TERT: variants seen among roughly 807,000 people sequenced by gnomAD.
TERT encodes telomerase catalytic subunit.
Under a neutral mutation model 104.0 loss-of-function variants are expected in TERT, and 42 were observed. That is an observed-to-expected ratio of 0.40 (90% confidence interval 0.32 to 0.52). The LOEUF (loss-of-function observed/expected upper bound fraction) is 0.52, where lower values mean the gene tolerates loss of function less well. Ranked by LOEUF, TERT falls within the 20% of genes least tolerant of loss-of-function variation. TERT has a pLI of 0.43. For synonymous variants in TERT, 781 were observed against 725.6 expected, an observed-to-expected ratio of 1.08 and a Z score of -1.23; for missense variants, 1,101 against 1,610.3, an observed-to-expected ratio of 0.68 and a Z score of 5.41.
In TERT at chr5:1,269,541, G is replaced by T. The variant is rs948125664; in HGVS notation, c.2469-908C>A. ...CAGGAGAAATGCTGGAACCCGGGAG[G>T]CGGAGGTTGCAGTGAGTTGAGATCG... On this transcript the variant is annotated intron_variant, in intron 8 of 15. Coordinates refer to ENST00000310581, the MANE Select transcript of TERT (RefSeq NM_198253.3). This position sits in a 1 kb window ranked among gnomAD's most constrained non-coding sequence, Gnocchi z 9.0. 6.6e-6 allele frequency among the ~76,000 whole-genome samples: 1 copy of T among 151,950 alleles called. No homozygotes were observed. Among genetic ancestry groups the T allele is most frequent in the African/African-American group, 2.4e-5 (1 of 41,358 alleles).
chr5:1,263,718 A>G lies in TERT; in HGVS notation c.2843+686T>C, dbSNP rs188929561. On this transcript the variant is annotated intron_variant, in intron 11 of 15. Coordinates refer to ENST00000310581, the MANE Select transcript of TERT (RefSeq NM_198253.3). This position sits in a 1 kb window ranked among gnomAD's most constrained non-coding sequence, Gnocchi z 5.3. ...ACCTTGCCCTGCCTGGAATGTTGAT[A>G]CTTTTTATTCATAAAAGAAACAGCA... 6.6e-5 allele frequency among the ~76,000 whole-genome samples: 10 copies of G among 152,306 alleles called. No homozygotes were observed. The East Asian group carries it at 1.9e-3, about 29-fold the overall frequency.
Position 1,261,992 on chromosome 5 carries a change from G to A in TERT, c.2844-1392C>T, listed in dbSNP as rs1748264116. On this transcript the variant is annotated intron_variant, in intron 11 of 15. Transcript: ENST00000310581. The surrounding 1 kb of genome is among the most constrained non-coding windows in gnomAD (Gnocchi z 7.4). ...AAATCACGTGCACAAACGCTCCAGG[G>A]AATGGCCATTTTCACTGTGGCTCAG... Among the ~76,000 whole-genome samples the A allele has an allele frequency of 6.6e-6, 1 of 152,160 alleles. No individual in the cohort carries two copies. The highest frequency in any genetic ancestry group is 6.5e-5 in the Admixed American group (1 of 15,288).
At chr5:1,277,241 C>T (rs1749661530) in intron 6 of TERT, among the ~76,000 whole-genome samples, 1 of 152,214 alleles carries the variant, frequency 6.6e-6, no homozygotes, top group South Asian at 2.1e-4. Context: ...GAAACTCCCA[C>T]AACATCCCTA....
chr5:1,270,809 G>A lies in TERT; in HGVS notation c.2468+310C>T, dbSNP rs545851414. Among the ~76,000 whole-genome samples, 3 of 152,360 alleles carry A rather than the reference G, an allele frequency of 2.0e-5. No individual in the cohort carries two copies. In the South Asian group the frequency reaches 6.2e-4, roughly 32 times the overall value. ...GAGCTGACAAGCTGCAGGCTCAAAC[G>A]CTCGGCGCACACCTGACCCAGACAC... On this transcript the variant is annotated intron_variant, in intron 8 of 15. Transcript: ENST00000310581. This position sits in a 1 kb window ranked among gnomAD's most constrained non-coding sequence, Gnocchi z 8.3.
Position 1,255,326 on chromosome 5 carries a change from C to A in TERT, c.3118G>T (p.Ala1040Ser), listed in dbSNP as rs770144114. 1.2e-6 allele frequency: 2 copies of A among 1,614,130 alleles called. No individual in the cohort carries two copies. The highest frequency in any genetic ancestry group is 1.7e-6 in the Non-Finnish European group (2 of 1,179,994). ...TFFLRVISDT[A>S]SLCYSILKAK... Reference sequence around the variant, plus strand: ...TTCAGGATGGAGTAGCAGAGGGAGGCCGTGTCAGAGATGACGCGCAGGAAA... The same window carrying A: ...TTCAGGATGGAGTAGCAGAGGGAGGACGTGTCAGAGATGACGCGCAGGAAA... Residue 1040 changes from alanine to serine, a missense_variant, in exon 14 of 16, where the codon GCC becomes TCC. Ala to Ser is a moderately conservative substitution (Grantham distance 99, BLOSUM62 1). Coordinates refer to ENST00000310581, the MANE Select transcript of TERT (RefSeq NM_198253.3). The surrounding 1 kb of genome is among the most constrained non-coding windows in gnomAD (Gnocchi z 6.9).
In TERT at chr5:1,286,749, G is replaced by A. The variant is rs1008372404; in HGVS notation, c.1574-4125C>T. Among the ~76,000 whole-genome samples the A allele has an allele frequency of 1.3e-5, 2 of 151,956 alleles. No individual in the cohort carries two copies. Among genetic ancestry groups the A allele is most frequent in the African/African-American group, 4.8e-5 (2 of 41,336 alleles). On this transcript the variant is annotated intron_variant, in intron 2 of 15. Transcript: ENST00000310581. The surrounding 1 kb of genome is among the most constrained non-coding windows in gnomAD (Gnocchi z 5.3). The stretch of plus-strand genomic sequence containing the variant: ...AAAAATTAGCCAGGCGTGGTGGTGG[G>A]CGCCTGTAATCCCAGCTACTCATGA...
intron 9 of TERT, among the ~76,000 whole-genome samples, chr5:1,267,595 C>T (rs1192609186): frequency 2.0e-5 from 3 of 152,156 alleles, no homozygotes; most frequent in South Asian, 4.1e-4. Flanking sequence ...AAATGTCCAT[C>T]GATGATAGAC....
At chr5:1,281,793 A>G in intron 3 of TERT, among the ~76,000 whole-genome samples, 1 of 152,202 alleles carries the variant, frequency 6.6e-6, no homozygotes, top group Non-Finnish European at 1.5e-5. Context: ...AGCATGAATT[A>G]AAAGAGAATC....
Position 1,294,754 on chromosome 5 carries a change from AC to A in TERT, c.219+16del. The A allele has an allele frequency of 6.4e-7, 1 of 1,552,170 alleles. No individual in the cohort carries two copies. Among genetic ancestry groups the A allele is most frequent in the Non-Finnish European group, 8.6e-7 (1 of 1,158,364 alleles). On this transcript the variant is annotated intron_variant, in intron 1 of 15. Coordinates refer to ENST00000310581, the MANE Select transcript of TERT (RefSeq NM_198253.3). The stretch of plus-strand genomic sequence containing the variant: ...CGCCCTCAACCCCAGCCGGACGCCG[AC>A]CCCGGGGAGGCCCACCTGGCGGAAG...
At position 1,293,968 on chromosome 5, in the gene TERT, G is replaced by A. The variant is rs919921930; in HGVS notation, c.918C>T (p.Gly306=). Residue 306 remains glycine, a synonymous_variant, in exon 2 of 16, where the codon GGC becomes GGT. Coordinates refer to ENST00000310581, the MANE Select transcript of TERT (RefSeq NM_198253.3). ...GTGGTGGCCGCGATGTGGATGGGGGGCCCGCGTGGTGCTGGCGGCCCACGG... is the reference window on the plus strand; with the variant it reads ...GTGGTGGCCGCGATGTGGATGGGGGACCCGCGTGGTGCTGGCGGCCCACGG... ...HPSVGRQHHA[G]PPSTSRPPRP... is the part of the protein sequence containing the mutation. 1.9e-6 allele frequency: 3 copies of A among 1,556,966 alleles called. No individual in the cohort carries two copies. The highest frequency in any genetic ancestry group is 2.4e-5 in the East Asian group (1 of 41,254).
chr5:1,254,245 C>A, intron 15 of TERT, 123 bp downstream of exon 15: 1 of 1,374,406 alleles, frequency 7.3e-7, no homozygotes, highest in Non-Finnish European at 1.0e-6. Context: ...GGCTCCAGGC[C>A]CCCAGGGTCA....
intron 4 of TERT, 81 bp downstream of exon 4, chr5:1,280,077 G>C: frequency 6.4e-7 from 1 of 1,566,578 alleles, no homozygotes; most frequent in Non-Finnish European, 8.8e-7. Flanking sequence ...CCTCCTCCGG[G>C]CCCTTCATCT....
rs1236454637 is a variant in TERT at position 1,263,225 on chromosome 5, G to A, written c.2843+1179C>T. ...CAGATCTGGACTGTTAACTCAGAACGACAGGACCCCAGTTTAAACCTCTGG... is the reference window on the plus strand; with the variant it reads ...CAGATCTGGACTGTTAACTCAGAACAACAGGACCCCAGTTTAAACCTCTGG... On this transcript the variant is annotated intron_variant, in intron 11 of 15. Transcript: ENST00000310581. This position sits in a 1 kb window ranked among gnomAD's most constrained non-coding sequence, Gnocchi z 5.3. Among the ~76,000 whole-genome samples, 1 of 152,164 alleles carries A rather than the reference G, an allele frequency of 6.6e-6. No homozygotes were observed. The highest frequency in any genetic ancestry group is 1.9e-4 in the East Asian group (1 of 5,194).
At position 1,255,459 on chromosome 5, in the gene TERT, G is replaced by T; in HGVS notation, c.3033-48C>A. ...CAGAGGAAAGGCCTCCTAATCAGAC[G>T]GTGCTCGTGGGTGTGGGCATGGGCC... On this transcript the variant is annotated intron_variant, in intron 13 of 15. Transcript: ENST00000310581. The surrounding 1 kb of genome is among the most constrained non-coding windows in gnomAD (Gnocchi z 6.9). The T allele has an allele frequency of 6.2e-7, 1 of 1,612,740 alleles. No individual in the cohort carries two copies. The highest frequency in any genetic ancestry group is 8.5e-7 in the Non-Finnish European group (1 of 1,179,672).
chr5:1,284,271 C>T (rs1303554184), intron 2 of TERT, among the ~76,000 whole-genome samples: 54 of 78,986 alleles, frequency 6.8e-4, no homozygotes, highest in East Asian at 1.4e-3. Context: ...GCGACCACAC[C>T]CCAGACCTGC....
chr5:1,289,681 A>C (rs1432433635), intron 2 of TERT, among the ~76,000 whole-genome samples: 121 of 23,536 alleles, frequency 5.1e-3, no homozygotes, highest in Admixed American at 6.5e-3. Context: ...CCTCGCGTCA[A>C]TCACCCTGCA....
rs1371381003 is a variant in TERT at position 1,274,925 on chromosome 5, C to T, written c.2287-2645G>A. Among the ~76,000 whole-genome samples, 3 of 152,182 alleles carry T rather than the reference C, an allele frequency of 2.0e-5. No homozygotes were observed. The highest frequency in any genetic ancestry group is 2.9e-5 in the Non-Finnish European group (2 of 68,038). On this transcript the variant is annotated intron_variant, in intron 6 of 15. Transcript: ENST00000310581. The surrounding 1 kb of genome is among the most constrained non-coding windows in gnomAD (Gnocchi z 5.3). The stretch of plus-strand genomic sequence containing the variant: ...ATCGATAAACAGCAGACACCAATTA[C>T]GCAGGAAACAGCCGGGAAATCAGCA...
At chr5:1,258,057 C>T (rs1747878090) in intron 13 of TERT, among the ~76,000 whole-genome samples, 1 of 152,228 alleles carries the variant, frequency 6.6e-6, no homozygotes, top group African/African-American at 2.4e-5. Context: ...GCAGGGGCAC[C>T]CCCTGACCAG....
intron 2 of TERT, chr5:1,282,829 AC>A: frequency 1.6e-6 from 1 of 630,376 alleles, no homozygotes; most frequent in East Asian, 2.9e-5. Context: ...ACACGGGGAC[AC>A]CGCATATCCA....
Sources: gnomAD v4.1 joint callset for allele counts (sites outside exome capture counted in the v4.1 genomes callset) on GRCh38, gnomAD v4.1.1 for gene constraint, Gnocchi (gnomAD v3.1) non-coding constraint, MANE v1.5 for transcripts, NCBI Gene and HGNC (gene_info 2026-07-23, HGNC 2026-07-21) for gene names.